Variants in NIN observed in about 807,000 individuals in gnomAD.
NIN encodes the protein glycogen synthase kinase 3 beta-interacting protein.
Under a neutral mutation model 257.6 loss-of-function variants are expected in NIN, and 137 were observed. That is an observed-to-expected ratio of 0.53 (90% CI 0.46 to 0.61). The LOEUF is 0.61. NIN is among the 20% of genes least tolerant of loss of function. The pLI, the probability that NIN is intolerant of heterozygous loss-of-function variation, is 0.00. For synonymous variants in NIN, 918 were observed against 919.8 expected (o/e 1.00, Z 0.04); for missense variants, 2,439 against 2,501.2 (o/e 0.98, Z 0.53).
intron 28 of NIN, among the ~76,000 whole-genome samples, chr14:50,733,585 C>T (rs1017889914): frequency 3.9e-5 from 6 of 152,134 alleles, no homozygotes; most frequent in Admixed American, 6.5e-5. Flanking sequence ...AAATTGCTTA[C>T]GATGGCTAAT....
intron 15 of NIN, among the ~76,000 whole-genome samples, chr14:50,762,508 C>T (rs1039510262): frequency 3.3e-5 from 5 of 152,086 alleles, no homozygotes; most frequent in African/African-American, 1.2e-4. Context: ...CATATTTTAG[C>T]TATTATCAGC....
chr14:50,772,239 TA>T, intron 9 of NIN, 61 bp downstream of exon 9: 2 of 1,436,708 alleles, frequency 1.4e-6, no homozygotes, highest in Non-Finnish European at 1.9e-6. Flanking sequence ...TTCCAAAAAA[TA>T]AAATTGAAAA....
At chr14:50,743,291 T>A in intron 24 of NIN, 125 bp downstream of exon 24, 1 of 656,518 alleles carries the variant, frequency 1.5e-6, no homozygotes, top group Non-Finnish European at 2.7e-6. Context: ...CAAACATTGG[T>A]CAAATTGAAT....
chr14:50,813,281 G>C (rs952789747), intron 3 of NIN, among the ~76,000 whole-genome samples: 3 of 152,216 alleles, frequency 2.0e-5, no homozygotes, highest in Non-Finnish European at 2.9e-5. Flanking sequence ...AGTCTCACAA[G>C]GTAACAAGTT....
intron 6 of NIN, among the ~76,000 whole-genome samples, chr14:50,777,943 C>T (rs1048924958): frequency 6.6e-6 from 1 of 152,114 alleles, no homozygotes; most frequent in African/African-American, 2.4e-5. Context: ...AGTGCTACTC[C>T]CACTCTTTAG....
At chr14:50,791,665 T>G (rs764815030) in intron 5 of NIN, among the ~76,000 whole-genome samples, 7 of 152,174 alleles carry the variant, frequency 4.6e-5, no homozygotes, top group Admixed American at 3.9e-4. Flanking sequence ...TTTTTTGTTA[T>G]TTTTGGATTT....
Position 50,816,206 on chromosome 14 carries a change from A to C in NIN, c.183+5668T>G, listed in dbSNP as rs140566444. On this transcript the variant is annotated intron_variant, in intron 3 of 30. Transcript: ENST00000530997. ...GTGGGTGGGGAACAGCACACATTGG[A>C]CCTGTGAGGTGGGGGGAGGGAGAGC... Among the ~76,000 whole-genome samples, 1,193 of 149,862 alleles carry C rather than the reference A, an allele frequency of 8.0e-3. 15 individuals carry two copies. The highest frequency in any genetic ancestry group is 0.027 in the African/African-American group (1,114 of 40,624).
At chr14:50,767,621 TC>T (rs1176065301) in intron 12 of NIN, among the ~76,000 whole-genome samples, 3 of 152,032 alleles carry the variant, frequency 2.0e-5, no homozygotes, top group East Asian at 1.9e-4. Context: ...ATCGAGACCA[TC>T]CTGGCGAACA....
intron 2 of NIN, chr14:50,823,356 T>C (rs2045323101): frequency 3.8e-6 from 2 of 525,550 alleles, no homozygotes; most frequent in Non-Finnish European, 7.7e-6. Context: ...AAGCAGCAGC[T>C]TTCACTAACC....
intron 22 of NIN, among the ~76,000 whole-genome samples, chr14:50,745,610 A>G (rs938781292): frequency 6.6e-6 from 1 of 152,190 alleles, no homozygotes; most frequent in Admixed American, 6.5e-5. Flanking sequence ...CAAATCCAGC[A>G]TACCTTACAA....
chr14:50,823,546 T>C (rs903366593), intron 2 of NIN: 1 of 225,338 alleles, frequency 4.4e-6, no homozygotes, highest in South Asian at 5.1e-5. Flanking sequence ...TTTCTTTCCA[T>C]AGACAGCTGT....
chr14:50,831,495 A>C (rs2045711292), upstream of NIN, among the ~76,000 whole-genome samples: 1 of 152,092 alleles, frequency 6.6e-6, no homozygotes, highest in Non-Finnish European at 1.5e-5. Context: ...GTCTTCGCGC[A>C]GAGGAAGGGC....
At chr14:50,794,998 AT>A (rs1363744140) in intron 4 of NIN, among the ~76,000 whole-genome samples, 1 of 152,182 alleles carries the variant, frequency 6.6e-6, no homozygotes, top group Non-Finnish European at 1.5e-5. Flanking sequence ...TTATTTACTC[AT>A]TTATTTTTGC....
intron 28 of NIN, among the ~76,000 whole-genome samples, chr14:50,732,012 T>C (rs2040733546): frequency 6.6e-6 from 1 of 152,178 alleles, no homozygotes; most frequent in Non-Finnish European, 1.5e-5. Context: ...TCTGTAACCC[T>C]TTTGTTGAGT....
intron 29 of NIN, among the ~76,000 whole-genome samples, chr14:50,727,040 C>CA (rs1218511434): frequency 6.6e-6 from 1 of 151,620 alleles, no homozygotes; most frequent in African/African-American, 2.4e-5. Flanking sequence ...AAGTAAGTTA[C>CA]AAAAAATTGG....
chr14:50,726,174 T>C, intron 29 of NIN, 108 bp from the exon 30 acceptor site: 1 of 818,508 alleles, frequency 1.2e-6, no homozygotes, highest in East Asian at 2.6e-5. Context: ...TTTGCCTTTG[T>C]AACAGGAAGG....
intron 3 of NIN, among the ~76,000 whole-genome samples, chr14:50,819,742 A>C (rs1368020538): frequency 6.6e-6 from 1 of 152,256 alleles, no homozygotes; most frequent in Admixed American, 6.5e-5. Flanking sequence ...GAATAGATTA[A>C]TATATTCAGA....
intron 27 of NIN, 74 bp downstream of exon 27, chr14:50,738,066 C>A: frequency 4.1e-6 from 6 of 1,452,196 alleles, no homozygotes; most frequent in Non-Finnish European, 4.7e-6. Context: ...TAGAAGTACA[C>A]CTGAGAAGAA....
At chr14:50,741,527 A>AT in intron 25 of NIN, 55 bp downstream of exon 25, 1 of 1,527,168 alleles carries the variant, frequency 6.5e-7, no homozygotes, top group Non-Finnish European at 9.0e-7. Flanking sequence ...TTGTCCTAAG[A>AT]TTTGTATACT....
Sources: allele counts gnomAD v4.1 joint callset (sites outside exome capture counted in the v4.1 genomes callset), GRCh38; gene constraint gnomAD v4.1.1; transcripts MANE v1.5; gene names NCBI Gene and HGNC (gene_info 2026-07-23, HGNC 2026-07-21).